BPI: variants seen among roughly 807,000 people sequenced by gnomAD.
BPI encodes bactericidal permeability-increasing protein.
In BPI, 48 loss-of-function variants were observed where a neutral mutation model predicts 57.6. The ratio of observed to expected loss-of-function variants is 0.83; its 90% CI spans 0.66 to 1.06. The LOEUF is 1.06. Among genes scored for constraint, BPI ranks in the 50% least tolerant of loss-of-function variants. The pLI is 0.00. For synonymous variants in BPI, 237 were observed against 238.2 expected (o/e 0.99, Z 0.05); for missense variants, 651 against 609.7 (o/e 1.07, Z -0.71).
rs758406160 is a variant in BPI, at chr20:38,308,903, T to C, written c.246-27T>C. On this transcript the variant is annotated intron_variant, in intron 2 of 14. Coordinates refer to ENST00000642449, the MANE Select transcript of BPI (RefSeq NM_001725.3). ...GTGCACCTAGGAGTATATGAAATTA[T>C]ATGACATTCACATTTCTCCTTTGCA... is the stretch of plus-strand genomic sequence containing the variant. 63 of 1,613,668 alleles carry C rather than the reference T, an allele frequency of 3.9e-5. No homozygotes were observed. In the South Asian group the frequency reaches 6.6e-4, roughly 17 times the overall value.
intron 6 of BPI, 172 bp from the exon 7 acceptor site, chr20:38,320,011 G>T: frequency 1.6e-6 from 1 of 610,192 alleles, no homozygotes; most frequent in Non-Finnish European, 2.9e-6. Flanking sequence ...TGTGGGGTGT[G>T]GGTTCATTTT....
chr20:38,327,625 A>C lies in BPI; in HGVS notation c.1199A>C (p.Asn400Thr). The C allele has an allele frequency of 6.2e-7, 1 of 1,613,768 alleles. No individual in the cohort carries two copies. Among genetic ancestry groups the C allele is most frequent in the Middle Eastern group, 1.7e-4 (1 of 5,942 alleles). Residue 400 changes from asparagine (N) to threonine (T), a missense_variant, in exon 11 of 15, where the codon AAC (asparagine) becomes ACC (threonine). Transcript: ENST00000642449. The stretch of plus-strand genomic sequence containing the variant: ...TCCATGGAGGTCAGCGCCGAGTCCA[A>C]CAGGCTTGTTGGAGAGCTCAAGCTG... ...TGSMEVSAES[N>T]RLVGELKLDR...
At position 38,307,654 on chromosome 20, in the gene BPI, T is replaced by A. The variant is rs1268213676; in HGVS notation, c.218T>A (p.Leu73His). ...DYSDSFKIKH[L>H]GKGHYSFYSM... is the part of the protein sequence containing the mutation. Reference sequence around the variant, plus strand: ...TCAGACAGCTTTAAGATCAAGCATCTTGGGAAGGGGCATTATAGCTTCTAC... The same window carrying A: ...TCAGACAGCTTTAAGATCAAGCATCATGGGAAGGGGCATTATAGCTTCTAC... Residue 73 changes from leucine to histidine, a missense_variant, in exon 2 of 15, where the codon CTT becomes CAT. Coordinates refer to ENST00000642449, the MANE Select transcript of BPI (RefSeq NM_001725.3). The A allele has an allele frequency of 6.2e-7, 1 of 1,611,926 alleles. No homozygotes were observed. Among genetic ancestry groups the A allele is most frequent in the Non-Finnish European group, 8.5e-7 (1 of 1,179,120 alleles).
At chr20:38,329,438 G>A (rs183291696) in intron 11 of BPI, among the ~76,000 whole-genome samples, 18 of 152,292 alleles carry the variant, frequency 1.2e-4, no homozygotes, top group African/African-American at 3.6e-4. Context: ...GCATCATGTT[G>A]ACAAGCATTA....
At position 38,310,671 on chromosome 20, in the gene BPI, G is replaced by T. The variant is rs2076617725; in HGVS notation, c.536+19G>T. The T allele has an allele frequency of 2.5e-6, 4 of 1,598,240 alleles. No homozygotes were observed. The South Asian group carries it at 3.3e-5, about 13-fold the overall frequency. On this transcript the variant is annotated intron_variant, in intron 4 of 14. Transcript: ENST00000642449. ...AAGTGGGGTATGGACTCCCGGGACT[G>T]TGGCTGGGAGGAGGGACTTAAAGAA... is the stretch of plus-strand genomic sequence containing the variant.
intron 9 of BPI, among the ~76,000 whole-genome samples, chr20:38,325,965 C>A (rs565227398): frequency 3.3e-5 from 5 of 151,666 alleles, no homozygotes; most frequent in Non-Finnish European, 7.4e-5. Context: ...GAGAAGAATG[C>A]GAGGAAAAGT....
chr20:38,314,256 GTGA>G (rs1306869168), intron 5 of BPI, among the ~76,000 whole-genome samples: 13 of 129,966 alleles, frequency 1.0e-4, no homozygotes, highest in Non-Finnish European at 1.4e-4. Context: ...GATGATGGTG[GTGA>G]TGGTGAGATT....
rs555098597 is a variant in BPI, at chr20:38,337,229, TGG to T, written c.*47_*48del. 2.6e-4 allele frequency: 393 copies of T among 1,519,744 alleles called. 3 individuals are homozygous for T. The South Asian group carries it at 4.3e-3, about 17-fold the overall frequency. The allele number at this position is 1,519,744 out of a possible 1,614,324, so 94.1% of individuals were successfully genotyped here. A position where few individuals can be genotyped will look rare whatever the true frequency, so the allele number is the denominator to read the frequency against. Reference sequence around the variant, plus strand: ...GGCTGTCAGCCACACCTGTTCCTGATGGGCTGTGGGGCACCGGCTGCCTTTCC... The same window carrying T: ...GGCTGTCAGCCACACCTGTTCCTGATGCTGTGGGGCACCGGCTGCCTTTCC... On this transcript the variant is annotated 3_prime_UTR_variant, in exon 15 of 15. Transcript: ENST00000642449.
chr20:38,335,381 G>A (rs950695125), intron 13 of BPI: 26 of 587,094 alleles, frequency 4.4e-5, no homozygotes, highest in South Asian at 6.0e-5. Context: ...TGGAGTCCAC[G>A]CAGGTGCTAG....
intron 7 of BPI, among the ~76,000 whole-genome samples, chr20:38,321,315 A>T (rs2076684587): frequency 6.6e-6 from 1 of 150,776 alleles, no homozygotes; most frequent in African/African-American, 2.4e-5. Flanking sequence ...GGATAGATGG[A>T]GTTTTATTTC....
At position 38,310,656 on chromosome 20, in the gene BPI, TG is replaced by T; in HGVS notation, c.536+6del. On this transcript the variant is annotated splice_donor_5th_base_variant and intron_variant, in intron 4 of 14. Transcript: ENST00000642449. ...ACATCTCAAAGAGCAAAGTGGGGTA[TG>T]GACTCCCGGGACTGTGGCTGGGAGG... The T allele has an allele frequency of 6.2e-7, 1 of 1,608,982 alleles. No individual in the cohort carries two copies. The highest frequency in any genetic ancestry group is 8.5e-7 in the Non-Finnish European group (1 of 1,175,840).
At chr20:38,306,440 G>A (rs1035362611) in intron 1 of BPI, among the ~76,000 whole-genome samples, 22 of 152,244 alleles carry the variant, frequency 1.4e-4, no homozygotes, top group African/African-American at 5.3e-4. Flanking sequence ...GGGCTTACAT[G>A]TAATAGGGGA....
Position 38,318,129 on chromosome 20 carries a change from A to T in BPI, c.601-284A>T, listed in dbSNP as rs1007878464. ...CAAAACAACAACAGCAACAAAAAAA[A>T]AAAACCTTATAAAATAGAAAACATA... On this transcript the variant is annotated intron_variant, in intron 5 of 14. Coordinates refer to ENST00000642449, the MANE Select transcript of BPI (RefSeq NM_001725.3). 6 of 858,588 alleles carry T rather than the reference A, an allele frequency of 7.0e-6. No individual in the cohort carries two copies. The African/African-American group carries it at 1.1e-4, about 16-fold the overall frequency. The allele number at this position is 858,588 out of a possible 1,614,324, so 53.2% of individuals were successfully genotyped here. A position where few individuals can be genotyped will look rare whatever the true frequency, so the allele number is the denominator to read the frequency against.
intron 5 of BPI, among the ~76,000 whole-genome samples, chr20:38,314,098 T>C (rs1032744383): frequency 2.1e-5 from 3 of 146,160 alleles, no homozygotes; most frequent in African/African-American, 7.6e-5. Flanking sequence ...GGGATGATGA[T>C]GGTGGTGATG....
intron 3 of BPI, among the ~76,000 whole-genome samples, chr20:38,309,311 G>C (rs2076611157): frequency 6.6e-6 from 1 of 152,222 alleles, no homozygotes. Flanking sequence ...GGAAATCTAA[G>C]TGGAACCTTT....
chr20:38,331,004 G>A, intron 11 of BPI, 44 bp from the exon 12 acceptor site: 1 of 1,606,684 alleles, frequency 6.2e-7, no homozygotes, highest in Non-Finnish European at 8.5e-7. Flanking sequence ...TCTCATGCTA[G>A]TCAGGCAATT....
chr20:38,310,751 T>C, intron 4 of BPI, 99 bp downstream of exon 4: 1 of 1,470,742 alleles, frequency 6.8e-7, no homozygotes, highest in Non-Finnish European at 9.2e-7. Context: ...GCCACCTGCA[T>C]GCCAGGCCTT....
chr20:38,327,567 C>T (rs2076719658), intron 10 of BPI, 21 bp from the exon 11 acceptor site: 1 of 1,612,120 alleles, frequency 6.2e-7, no homozygotes, highest in South Asian at 1.1e-5. Flanking sequence ...GGCACTTCAC[C>T]CTGGGTTGTT....
chr20:38,310,421 C>A, intron 3 of BPI, 70 bp from the exon 4 acceptor site: 2 of 1,559,630 alleles, frequency 1.3e-6, no homozygotes, highest in South Asian at 1.2e-5. Context: ...CGCCTTCCAG[C>A]ACTGGGGCAA....
Sources: gnomAD v4.1 joint callset for allele counts (sites outside exome capture counted in the v4.1 genomes callset) on GRCh38, gnomAD v4.1.1 for gene constraint, MANE v1.5 for transcripts, NCBI Gene and HGNC (gene_info 2026-07-23, HGNC 2026-07-21) for gene names.